PM20D2: variants seen among roughly 807,000 people sequenced by gnomAD.
PM20D2 encodes the protein xaa-Arg dipeptidase.
PM20D2 carries 33 observed loss-of-function variants against 42.9 expected under a neutral mutation model. The observed-to-expected ratio is 0.77, with a 90% CI of 0.58 to 1.03. The LOEUF is 1.03. Among genes scored for constraint, PM20D2 ranks in the 50% least tolerant of loss-of-function variants. The probability of loss-of-function intolerance (pLI) is 0.00; values close to 1 mark genes in which losing one functional copy is unlikely to be tolerated. For synonymous variants in PM20D2, 250 were observed against 228.2 expected (o/e 1.10, Z -0.86); for missense variants, 548 against 557.0 (o/e 0.98, Z 0.16).
chr6:89,154,614 T>C (rs145718164), intron 3 of PM20D2, 134 bp from the exon 4 acceptor site: 1 of 561,510 alleles, frequency 1.8e-6, no homozygotes, highest in African/African-American at 1.9e-5. Flanking sequence ...AATCTTTGAT[T>C]GGTGTATTGG....
At chr6:89,124,048 A>G in the PM20D2 span, among the ~76,000 whole-genome samples, 2 of 152,186 alleles carry the variant, frequency 1.3e-5, no homozygotes, top group Non-Finnish European at 2.9e-5. Flanking sequence ...AAATAATAAT[A>G]ATAAACAAAA....
the PM20D2 span, among the ~76,000 whole-genome samples, chr6:89,135,192 T>C: frequency 6.6e-6 from 1 of 151,356 alleles, no homozygotes; most frequent in African/African-American, 2.5e-5. Context: ...CAGAAAAATA[T>C]ACCACTTCTC....
At chr6:89,125,322 T>C in the PM20D2 span, among the ~76,000 whole-genome samples, 16 of 152,034 alleles carry the variant, frequency 1.1e-4, no homozygotes, top group African/African-American at 3.9e-4. Flanking sequence ...CTACTAAAAA[T>C]ACAAAAAATT....
chr6:89,158,484 T>C (rs1562260272), intron 5 of PM20D2, 24 bp downstream of exon 5: 1 of 1,594,802 alleles, frequency 6.3e-7, no homozygotes. Flanking sequence ...TTTTTATATA[T>C]TGAGCTATTT....
chr6:89,155,615 G>T (rs1045497977), intron 4 of PM20D2, among the ~76,000 whole-genome samples: 1 of 152,158 alleles, frequency 6.6e-6, no homozygotes, highest in Non-Finnish European at 1.5e-5. Context: ...TGAAGTTAGG[G>T]TGTGTATAGT....
upstream of PM20D2, among the ~76,000 whole-genome samples, chr6:89,142,388 A>G (rs1374196866): frequency 6.6e-6 from 1 of 152,138 alleles, no homozygotes; most frequent in East Asian, 1.9e-4. Flanking sequence ...AATGACCAGT[A>G]TACCAAAGTG....
the PM20D2 span, among the ~76,000 whole-genome samples, chr6:89,118,800 GA>G: frequency 2.0e-5 from 3 of 152,196 alleles, no homozygotes; most frequent in Non-Finnish European, 2.9e-5. Flanking sequence ...CTAGAGGGGG[GA>G]CAAACGAATG....
intron 4 of PM20D2, among the ~76,000 whole-genome samples, chr6:89,157,539 C>T (rs1006850267): frequency 6.6e-6 from 1 of 152,116 alleles, no homozygotes; most frequent in Non-Finnish European, 1.5e-5. Flanking sequence ...TCTACATTTC[C>T]CTCAGAGTAC....
At chr6:89,115,631 CTTTTTTTTT>C in the PM20D2 span, among the ~76,000 whole-genome samples, 8 of 129,006 alleles carry the variant, frequency 6.2e-5, no homozygotes, top group African/African-American at 2.2e-4. Context: ...TTTTTTCTTT[CTTTTTTTTT>C]TTTTTTTTTT....
intron 5 of PM20D2, 91 bp from the exon 6 acceptor site, chr6:89,161,692 G>C (rs572622353): frequency 6.1e-6 from 6 of 978,098 alleles, no homozygotes; most frequent in South Asian, 1.4e-5. Context: ...ACTTCTCTGC[G>C]TCTCTTCTAA....
the PM20D2 span, among the ~76,000 whole-genome samples, chr6:89,122,753 G>A: frequency 2.0e-5 from 3 of 152,234 alleles, no homozygotes; most frequent in Non-Finnish European, 2.9e-5. Context: ...GAAGTCAACA[G>A]AGAATATCAT....
the PM20D2 span, among the ~76,000 whole-genome samples, chr6:89,139,433 C>T: frequency 1.3e-5 from 2 of 152,258 alleles, no homozygotes; most frequent in African/African-American, 4.8e-5. Flanking sequence ...GGTCTGTGCA[C>T]GAACTCCTAG....
the PM20D2 span, among the ~76,000 whole-genome samples, chr6:89,101,144 AAAAGATCATTAG>A: frequency 6.6e-6 from 1 of 151,956 alleles, no homozygotes; most frequent in African/African-American, 2.4e-5. Context: ...ATAGTTAACT[AAAAGATCATTAG>A]AAAAACATCC....
At chr6:89,152,412 CTT>C (rs536616410) in intron 2 of PM20D2, among the ~76,000 whole-genome samples, 1 of 147,080 alleles carries the variant, frequency 6.8e-6, no homozygotes, top group African/African-American at 2.5e-5. Context: ...TTTCTCTAAT[CTT>C]TTTTTTTTTA....
the PM20D2 span, chr6:89,105,451 G>A: frequency 6.2e-7 from 1 of 1,610,204 alleles, no homozygotes; most frequent in Non-Finnish European, 8.5e-7. Flanking sequence ...TGTGCAAACT[G>A]TATTTCAATC....
the PM20D2 span, among the ~76,000 whole-genome samples, chr6:89,094,651 T>C: frequency 6.6e-6 from 1 of 152,128 alleles, no homozygotes; most frequent in Admixed American, 6.6e-5. Flanking sequence ...ATCCAGGGAG[T>C]GATTTAAATG....
chr6:89,113,021 T>C, the PM20D2 span, among the ~76,000 whole-genome samples: 3 of 152,208 alleles, frequency 2.0e-5, no homozygotes, highest in African/African-American at 7.2e-5. Flanking sequence ...GGTGTGTAGC[T>C]GGCTTTACTG....
At chr6:89,120,972 A>G in the PM20D2 span, among the ~76,000 whole-genome samples, 5 of 152,156 alleles carry the variant, frequency 3.3e-5, no homozygotes, top group Admixed American at 3.3e-4. Context: ...ATACTCTGAT[A>G]CTTGCTTTCT....
the PM20D2 span, among the ~76,000 whole-genome samples, chr6:89,110,517 G>C: frequency 6.6e-6 from 1 of 152,240 alleles, no homozygotes; most frequent in Non-Finnish European, 1.5e-5. Flanking sequence ...CCTGGGACCA[G>C]TCTGATTGGT....
Sources: gnomAD v4.1 joint callset for allele counts (sites outside exome capture counted in the v4.1 genomes callset) on GRCh38, gnomAD v4.1.1 for gene constraint, MANE v1.5 for transcripts, NCBI Gene and HGNC (gene_info 2026-07-23, HGNC 2026-07-21) for gene names.